Variants in NHSL1 observed in about 807,000 individuals in gnomAD.
NHSL1 encodes NHS-like protein 1.
NHSL1 carries 48 observed loss-of-function variants against 95.0 expected under a neutral mutation model. The ratio of observed to expected loss-of-function variants is 0.51; its 90% CI spans 0.40 to 0.64. The LOEUF is 0.64. NHSL1 is among the 30% of genes least tolerant of loss of function. The pLI, the probability that NHSL1 is intolerant of heterozygous loss-of-function variation, is 0.00. For missense variants in NHSL1, 1,971 were observed against 2,077.7 expected (o/e 0.95, Z 1.00); for synonymous variants, 783 against 833.9 (o/e 0.94, Z 1.05).
intron 3 of NHSL1, among the ~76,000 whole-genome samples, chr6:138,455,775 A>G (rs960480966): frequency 7.2e-6 from 1 of 139,418 alleles, no homozygotes; most frequent in Non-Finnish European, 1.6e-5. Context: ...AAACACTGGT[A>G]GTGCCACACC....
At chr6:138,657,814 C>CAAAAAA (rs1051789759) in intron 1 of NHSL1, among the ~76,000 whole-genome samples, 38 of 32,844 alleles carry the variant, frequency 1.2e-3, no homozygotes, top group Admixed American at 2.1e-3. Flanking sequence ...GACTCCATCT[C>CAAAAAA]AAAAAAAAAA....
chr6:138,639,701 G>A (rs1784934148), intron 1 of NHSL1, among the ~76,000 whole-genome samples: 1 of 147,282 alleles, frequency 6.8e-6, no homozygotes, highest in Admixed American at 6.9e-5. Context: ...AGCTACTTGA[G>A]AGGCTGAAGC....
intron 1 of NHSL1, among the ~76,000 whole-genome samples, chr6:138,529,548 T>C (rs1221000375): frequency 6.6e-6 from 1 of 152,182 alleles, no homozygotes; most frequent in Admixed American, 6.5e-5. Flanking sequence ...CAGACTTGGC[T>C]GGGGGCCTTG....
In NHSL1 at chr6:138,666,951, A is replaced by T. The variant is rs565583312; in HGVS notation, c.96+25525T>A. On this transcript the variant is annotated intron_variant, in intron 1 of 3. Transcript: ENST00000491526. ...CGGATTCCAGATTCAATTTTTTTTT[A>T]AATCCAACAATGTTTTTAGCAACAC... Among the ~76,000 whole-genome samples, 156 of 152,272 alleles carry T rather than the reference A, an allele frequency of 1.0e-3. 1 individual carries two copies. Among genetic ancestry groups the T allele is most frequent in the African/African-American group, 3.3e-3 (137 of 41,568 alleles).
At chr6:138,543,711 T>C (rs566209505) in intron 1 of NHSL1, among the ~76,000 whole-genome samples, 1 of 152,340 alleles carries the variant, frequency 6.6e-6, no homozygotes, top group Admixed American at 6.5e-5. Context: ...TAGCTCTTAC[T>C]ATTCTTCTGC....
chr6:138,639,797 CAAAAAAAAAAAA>C (rs56909767), intron 1 of NHSL1, among the ~76,000 whole-genome samples: 83 of 22,588 alleles, frequency 3.7e-3, no homozygotes, highest in Non-Finnish European at 7.9e-3. Context: ...GACTCAGTCT[CAAAAAAAAAAAA>C]AAAAAAAAAA....
intron 1 of NHSL1, 123 bp downstream of exon 1, chr6:138,499,110 C>A: frequency 1.5e-6 from 1 of 660,816 alleles, no homozygotes; most frequent in East Asian, 2.9e-5. Flanking sequence ...CACAAAAGAA[C>A]GAAGGACCTA....
Position 138,431,724 on chromosome 6 carries a change from G to A in NHSL1, c.2621C>T (p.Pro874Leu), listed in dbSNP as rs1775684420. The A allele has an allele frequency of 6.4e-7, 1 of 1,551,750 alleles. No homozygotes were observed. The highest frequency in any genetic ancestry group is 1.2e-5 in the South Asian group (1 of 84,060). Residue 874 changes from proline to leucine, a missense_variant, in exon 6 of 8, where the codon CCA (proline) becomes CTA (leucine). Coordinates refer to ENST00000343505, the MANE Select transcript of NHSL1 (RefSeq NM_001144060.2). The surrounding 1 kb of genome is among the most constrained non-coding windows in gnomAD (Gnocchi z 4.0). ...PVPVFLKSVS[P>L]ANGKGKPKPK... ...CTTGGGCTTCCCCTTCCCGTTTGCTGGTGACACTGATTTTAAAAACACAGG... is the reference window on the plus strand; with the variant it reads ...CTTGGGCTTCCCCTTCCCGTTTGCTAGTGACACTGATTTTAAAAACACAGG...
chr6:138,552,967 T>TA (rs1377955648), intron 1 of NHSL1, among the ~76,000 whole-genome samples: 1 of 152,200 alleles, frequency 6.6e-6, no homozygotes, highest in African/African-American at 2.4e-5. Context: ...GGTACCTTTG[T>TA]AGTTGATATT....
At chr6:138,491,246 T>C (rs755867825) in intron 2 of NHSL1, among the ~76,000 whole-genome samples, 6 of 152,228 alleles carry the variant, frequency 3.9e-5, no homozygotes, top group African/African-American at 7.2e-5. Flanking sequence ...GGCAGGAATG[T>C]ACACAGAGAC....
intron 1 of NHSL1, chr6:138,651,111 C>A: frequency 2.9e-6 from 1 of 344,526 alleles, no homozygotes; most frequent in Non-Finnish European, 5.6e-6. Context: ...ACATGCCAAC[C>A]AACTTAATGT....
At chr6:138,523,282 AAG>A (rs1781758569) in intron 1 of NHSL1, among the ~76,000 whole-genome samples, 3 of 152,104 alleles carry the variant, frequency 2.0e-5, no homozygotes, top group Admixed American at 1.3e-4. Context: ...CAGTGAATTA[AAG>A]AGAGTTTTTA....
intron 3 of NHSL1, among the ~76,000 whole-genome samples, chr6:138,469,561 A>C (rs994476476): frequency 1.1e-4 from 16 of 151,844 alleles, no homozygotes; most frequent in Non-Finnish European, 1.9e-4. Context: ...CCATCTCTAC[A>C]AAAAAATACA....
chr6:138,571,368 A>G (rs971450133), intron 1 of NHSL1, among the ~76,000 whole-genome samples: 2 of 152,206 alleles, frequency 1.3e-5, no homozygotes, highest in African/African-American at 4.8e-5. Flanking sequence ...CCAGATTGCT[A>G]TAAGGGCAGA....
intron 1 of NHSL1, among the ~76,000 whole-genome samples, chr6:138,512,019 C>G (rs763761278): frequency 1.3e-5 from 2 of 152,202 alleles, no homozygotes; most frequent in Non-Finnish European, 2.9e-5. Context: ...GATGGATCCA[C>G]TTGTATCACC....
At chr6:138,586,871 G>A (rs1458367462) in intron 1 of NHSL1, among the ~76,000 whole-genome samples, 1 of 151,876 alleles carries the variant, frequency 6.6e-6, no homozygotes, top group Admixed American at 6.6e-5. Flanking sequence ...CTGCATCAGT[G>A]CTTTCATTCT....
At chr6:138,685,669 G>T (rs532783712) in intron 1 of NHSL1, among the ~76,000 whole-genome samples, 29 of 152,160 alleles carry the variant, frequency 1.9e-4, no homozygotes, top group African/African-American at 7.0e-4. Context: ...AAGCAACACA[G>T]TGAGACATCA....
At chr6:138,573,011 A>AT (rs1783897786), upstream of NHSL1, among the ~76,000 whole-genome samples, 1 of 152,186 alleles carries the variant, frequency 6.6e-6, no homozygotes, top group Non-Finnish European at 1.5e-5. Flanking sequence ...CGCAGCCATC[A>AT]TTGTACCTGT....
intron 3 of NHSL1, among the ~76,000 whole-genome samples, chr6:138,456,118 G>A (rs866020025): frequency 2.6e-5 from 4 of 152,104 alleles, no homozygotes; most frequent in Admixed American, 6.6e-5. Context: ...TAATTTTATC[G>A]AAACCAGAAC....
Sources: allele counts gnomAD v4.1 joint callset (sites outside exome capture counted in the v4.1 genomes callset), GRCh38; gene constraint gnomAD v4.1.1; non-coding constraint Gnocchi (gnomAD v3.1); transcripts MANE v1.5; gene names NCBI Gene and HGNC (gene_info 2026-07-23, HGNC 2026-07-21).